The following DISP3 variants were observed in gnomAD, a reference collection of about 807,000 sequenced individuals.
The protein encoded by DISP3 is dispatched RND transporter family member 3, also known as protein dispatched homolog 3.
DISP3 carries 101 observed loss-of-function variants against 135.3 expected under a neutral mutation model. The observed-to-expected ratio is 0.75, with a 90% CI of 0.64 to 0.88. The LOEUF is 0.88. DISP3 is among the 40% of genes least tolerant of loss of function. The probability of loss-of-function intolerance (pLI) is 0.00; values close to 1 mark genes in which losing one functional copy is unlikely to be tolerated. For synonymous variants in DISP3, 856 were observed against 817.0 expected, an observed-to-expected ratio of 1.05 and a Z score of -0.81; for missense variants, 1,713 against 1,878.6, an observed-to-expected ratio of 0.91 and a Z score of 1.63.
Position 11,526,728 on chromosome 1 carries a change from G to A in DISP3, c.2691G>A (p.Ala897=), listed in dbSNP as rs746540939. ...CMSTVGLLQA[A]SPSRKWMLTT... ...CTACAGTAGGGCTGCTCCAGGCGGC[G>A]AGCCCCTCCCGCAAGTGGATGCTGA... is the stretch of plus-strand genomic sequence containing the variant. The change falls in exon 13 of 21, where the codon GCG becomes GCA. Residue 897 remains alanine (A), a synonymous_variant. Transcript: ENST00000294484. 2.2e-5 allele frequency: 35 copies of A among 1,613,926 alleles called. No individual in the cohort carries two copies. Among genetic ancestry groups the A allele is most frequent in the East Asian group, 6.7e-5 (3 of 44,890 alleles).
intron 1 of DISP3, among the ~76,000 whole-genome samples, chr1:11,487,225 C>T (rs1293930160): frequency 6.6e-6 from 1 of 152,190 alleles, no homozygotes; most frequent in African/African-American, 2.4e-5. Flanking sequence ...GCTGAGAAGC[C>T]ACCCTGGTCG....
intron 1 of DISP3, among the ~76,000 whole-genome samples, chr1:11,492,953 C>T (rs943788932): frequency 6.6e-6 from 1 of 152,184 alleles, no homozygotes; most frequent in African/African-American, 2.4e-5. Flanking sequence ...CCCTAGGATC[C>T]AGCTGCTAGG....
chr1:11,503,026 A>G (rs1641596825), intron 3 of DISP3, 129 bp downstream of exon 3: 5 of 804,112 alleles, frequency 6.2e-6, no homozygotes, highest in East Asian at 2.7e-5. Flanking sequence ...AAATTGGGGC[A>G]GAACCAAGTA....
At chr1:11,527,288 C>T (rs1006390431) in intron 13 of DISP3, among the ~76,000 whole-genome samples, 5 of 151,924 alleles carry the variant, frequency 3.3e-5, no homozygotes, top group Admixed American at 1.3e-4. Context: ...TGCGGTGGCT[C>T]ATGCCTGTAA....
intron 1 of DISP3, among the ~76,000 whole-genome samples, chr1:11,497,913 A>G (rs12130483): frequency 0.15 from 23,491 of 152,146 alleles, 2,971 homozygotes; most frequent in African/African-American, 0.35. Context: ...TTGTCTCAAC[A>G]AATATCTGAC....
rs985763168 is a variant in DISP3, at chr1:11,526,301, C to T, written c.2614-350C>T. 6.6e-5 allele frequency among the ~76,000 whole-genome samples: 10 copies of T among 152,354 alleles called. No homozygotes were observed. In the South Asian group the frequency reaches 1.2e-3, roughly 19 times the overall value. On this transcript the variant is annotated intron_variant, in intron 12 of 20. Coordinates refer to ENST00000294484, the MANE Select transcript of DISP3 (RefSeq NM_020780.2). Reference sequence around the variant, plus strand: ...TTCTCGCCTTGCCCTCCTCTCCCTGCCATTTATCCTGTCTTGTCTTCCTTA... The same window carrying T: ...TTCTCGCCTTGCCCTCCTCTCCCTGTCATTTATCCTGTCTTGTCTTCCTTA...
chr1:11,490,078 C>G (rs1320640345), intron 1 of DISP3, among the ~76,000 whole-genome samples: 1 of 152,048 alleles, frequency 6.6e-6, no homozygotes, highest in African/African-American at 2.4e-5. Flanking sequence ...GCTGTGATCT[C>G]CAGCCTCATA....
In DISP3 at chr1:11,516,141, G is replaced by A. The variant is rs769317063; in HGVS notation, c.1729G>A (p.Ala577Thr). The change falls in exon 6 of 21, where the codon GCA (alanine) becomes ACA (threonine). Residue 577 changes from alanine to threonine, a missense_variant. Ala to Thr is a moderately conservative substitution (Grantham distance 58). Transcript: ENST00000294484. This position sits in a 1 kb window ranked among gnomAD's most constrained non-coding sequence, Gnocchi z 5.1. ...FTSLTTAAAY[A>T]ANVFSQIPAV... ...CTCCCTGACCACAGCCGCCGCCTAC[G>A]CAGCTAACGTCTTCTCCCAGGTGCG... 1.1e-5 allele frequency: 17 copies of A among 1,613,894 alleles called. No individual in the cohort carries two copies. Among genetic ancestry groups the A allele is most frequent in the South Asian group, 3.3e-5 (3 of 91,076 alleles).
At chr1:11,487,365 G>A (rs1641066352) in intron 1 of DISP3, among the ~76,000 whole-genome samples, 1 of 152,192 alleles carries the variant, frequency 6.6e-6, no homozygotes, top group Non-Finnish European at 1.5e-5. Flanking sequence ...ATGGAGAATG[G>A]GCAGCTGAGC....
chr1:11,526,974 A>G (rs1642439571), intron 13 of DISP3, 139 bp downstream of exon 13: 2 of 1,078,640 alleles, frequency 1.9e-6, no homozygotes, highest in Non-Finnish European at 2.6e-6. Context: ...TCTGTTGCCC[A>G]GGCTGGAGTG....
chr1:11,519,444 A>G lies in DISP3; in HGVS notation c.1979A>G (p.Gln660Arg), dbSNP rs1642110101. The change falls in exon 8 of 21, where the codon CAG becomes CGG. Residue 660 changes from glutamine (Q) to arginine (R), a missense_variant. By Grantham distance (43) the Gln-to-Arg change is conservative. Around this residue, in one of 2 missense-constraint regions of DISP3, gnomAD observed 1,142 missense variants for 1,384.6 expected, o/e 0.82. Coordinates refer to ENST00000294484, the MANE Select transcript of DISP3 (RefSeq NM_020780.2). The surrounding 1 kb of genome is among the most constrained non-coding windows in gnomAD (Gnocchi z 4.3). Reference sequence around the variant, plus strand: ...GAGCAGGTTGGAGGCAGCCCTGCCCAGGGCCCCATACCCTACCTGGATGAT... The same window carrying G: ...GAGCAGGTTGGAGGCAGCCCTGCCCGGGGCCCCATACCCTACCTGGATGAT... ...APEQVGGSPA[Q>R]GPIPYLDDDI... is the part of the protein sequence containing the mutation. 1 of 1,613,740 alleles carries G rather than the reference A, an allele frequency of 6.2e-7. No individual in the cohort carries two copies. The highest frequency in any genetic ancestry group is 2.2e-5 in the East Asian group (1 of 44,878).
At chr1:11,530,682 G>A (rs900576815) in intron 15 of DISP3, among the ~76,000 whole-genome samples, 1 of 152,154 alleles carries the variant, frequency 6.6e-6, no homozygotes, top group Non-Finnish European at 1.5e-5. Context: ...AGGTGAAACA[G>A]AGGGTCCTGT....
chr1:11,536,334 C>A lies in DISP3; in HGVS notation c.3827C>A (p.Thr1276Lys). ...TCCTCTTGCCCCCAGGACGCCCGAA[C>A]GCAGCGCCAGTGGCGTACGCTGGAG... ...LPPHQAEDAR[T>K]QRQWRTLEAV... Residue 1276 changes from threonine (T) to lysine (K), a missense_variant, in exon 21 of 21, where the codon ACG (threonine) becomes AAG (lysine). Transcript: ENST00000294484. This position sits in a 1 kb window ranked among gnomAD's most constrained non-coding sequence, Gnocchi z 4.3. The A allele has an allele frequency of 6.2e-7, 1 of 1,600,192 alleles. No individual in the cohort carries two copies. Among genetic ancestry groups the A allele is most frequent in the Non-Finnish European group, 8.5e-7 (1 of 1,178,778 alleles).
rs1322532109 is a variant in DISP3 at position 11,533,248 on chromosome 1, TGTTTC to T, written c.3376-1132_3376-1128del. ...CATATGGTGTTTGTCCTTTGGTGAC[TGTTTC>T]TTTTTTTTTTTTTTTTTTTTTTAAT... is the stretch of plus-strand genomic sequence containing the variant. On this transcript the variant is annotated intron_variant, in intron 17 of 20. Coordinates refer to ENST00000294484, the MANE Select transcript of DISP3 (RefSeq NM_020780.2). 9.8e-4 allele frequency among the ~76,000 whole-genome samples: 144 copies of T among 147,616 alleles called. 2 individuals are homozygous for T. In the South Asian group the frequency reaches 0.015, roughly 15 times the overall value.
intron 1 of DISP3, among the ~76,000 whole-genome samples, chr1:11,480,361 C>T (rs11806804): frequency 6.6e-6 from 1 of 152,254 alleles, no homozygotes; most frequent in South Asian, 2.1e-4. Flanking sequence ...ACACACATAT[C>T]TACAGACCAC....
intron 10 of DISP3, among the ~76,000 whole-genome samples, chr1:11,522,959 A>ACCCAGCCAGAG (rs1222154231): frequency 0.023 from 2,887 of 124,994 alleles, 195 homozygotes; most frequent in African/African-American, 0.081. Flanking sequence ...CCCAACCAGG[A>ACCCAGCCAGAG]CCCAGCCAGG....
chr1:11,535,111 C>A lies in DISP3; in HGVS notation c.3636C>A (p.Leu1212=), dbSNP rs773459025. ...ACATCCTGCTCCTGCTGCCCGTGCTCCTCAGCATCTTGGGTACGTGGGCGA... is the reference window on the plus strand; with the variant it reads ...ACATCCTGCTCCTGCTGCCCGTGCTACTCAGCATCTTGGGTACGTGGGCGA... ...TTHILLLLPV[L]LSILGIVCLV... Residue 1212 remains leucine (L), a synonymous_variant, in exon 19 of 21, where the codon CTC becomes CTA. Transcript: ENST00000294484. 3 of 1,606,850 alleles carry A rather than the reference C, an allele frequency of 1.9e-6. No individual in the cohort carries two copies. In the South Asian group the frequency reaches 3.4e-5, roughly 18 times the overall value.
At position 11,521,723 on chromosome 1, in the gene DISP3, AG is replaced by A. The variant is rs377610796; in HGVS notation, c.2362+876del. Among the ~76,000 whole-genome samples, 106 of 152,112 alleles carry A rather than the reference AG, an allele frequency of 7.0e-4. 1 individual carries two copies. In the South Asian group the frequency reaches 0.016, roughly 23 times the overall value. On this transcript the variant is annotated intron_variant, in intron 10 of 20. Transcript: ENST00000294484. ...AGGCTGGGAGGGGAGAGGAGGCAGG[AG>A]TCTAGGCAGAGGAGAGCACCAGAGG...
At chr1:11,522,355 G>T (rs946336021) in intron 10 of DISP3, among the ~76,000 whole-genome samples, 17 of 152,126 alleles carry the variant, frequency 1.1e-4, no homozygotes, top group Admixed American at 5.2e-4. Flanking sequence ...ATCCACTGCA[G>T]CTCCGAGAGG....
Sources: allele counts gnomAD v4.1 joint callset (sites outside exome capture counted in the v4.1 genomes callset), GRCh38; gene constraint gnomAD v4.1.1; regional missense constraint gnomAD v4.1.1; non-coding constraint Gnocchi (gnomAD v3.1); transcripts MANE v1.5; gene names NCBI Gene and HGNC (gene_info 2026-07-23, HGNC 2026-07-21).